Variants in PALM2AKAP2 observed in about 807,000 individuals in gnomAD.
The protein encoded by PALM2AKAP2 is PALM2-AKAP2 fusion protein.
PALM2AKAP2 carries 37 observed loss-of-function variants against 71.5 expected under a neutral mutation model. The observed-to-expected ratio is 0.52, with a 90% CI of 0.40 to 0.68. The LOEUF (loss-of-function observed/expected upper bound fraction) is 0.68. Ranked by LOEUF, PALM2AKAP2 falls within the 30% of genes least tolerant of loss-of-function variation. The pLI is 0.00. For missense variants in PALM2AKAP2, 1,224 were observed against 1,191.8 expected, an observed-to-expected ratio of 1.03 and a Z score of -0.40; for synonymous variants, 468 against 478.8, an observed-to-expected ratio of 0.98 and a Z score of 0.29.
intron 1 of PALM2AKAP2, among the ~76,000 whole-genome samples, chr9:109,730,007 C>A: frequency 6.6e-6 from 1 of 152,164 alleles, no homozygotes. Flanking sequence ...CTAATTATTT[C>A]TTGAGTGAAC....
chr9:109,904,025 G>T (rs1219787060), intron 3 of PALM2AKAP2, among the ~76,000 whole-genome samples: 2 of 152,146 alleles, frequency 1.3e-5, no homozygotes, highest in East Asian at 3.8e-4. Context: ...TAAATAGTAT[G>T]CTTTGGTTTA....
chr9:110,086,876 G>A (rs1834585996), intron 1 of PALM2AKAP2, among the ~76,000 whole-genome samples: 2 of 152,102 alleles, frequency 1.3e-5, no homozygotes, highest in Non-Finnish European at 2.9e-5. Context: ...ATTGCCCTAG[G>A]AAGAAGACCC....
rs140904967 is a variant in PALM2AKAP2, at chr9:109,827,789, G to A, written c.46-39702G>A. On this transcript the variant is annotated intron_variant, in intron 1 of 9. Coordinates refer to the PALM2AKAP2 transcript ENST00000302798. ...AGGATTGTGAGGATTTAGCCCCATGGGGCTAGAGCACTGCTACTGAAAAAA... is the reference window on the plus strand; with the variant it reads ...AGGATTGTGAGGATTTAGCCCCATGAGGCTAGAGCACTGCTACTGAAAAAA... 1.4e-3 allele frequency among the ~76,000 whole-genome samples: 216 copies of A among 152,100 alleles called. 1 individual carries two copies. The highest frequency in any genetic ancestry group is 4.9e-3 in the African/African-American group (205 of 41,482).
At chr9:109,969,024 A>G (rs1832011481) in intron 6 of PALM2AKAP2, among the ~76,000 whole-genome samples, 1 of 152,070 alleles carries the variant, frequency 6.6e-6, no homozygotes, top group Non-Finnish European at 1.5e-5. Flanking sequence ...GAACAGCTGC[A>G]GGAATGTAAA....
exon 2 of PALM2AKAP2, chr9:110,137,759 G>A: frequency 6.2e-7 from 1 of 1,614,188 alleles, no homozygotes; most frequent in Non-Finnish European, 8.5e-7. Context: ...GGCATCCAAT[G>A]AGACAACCAA....
chr9:109,651,973 T>C (rs914453398), intron 1 of PALM2AKAP2, among the ~76,000 whole-genome samples: 6 of 152,200 alleles, frequency 3.9e-5, no homozygotes, highest in African/African-American at 1.4e-4. Flanking sequence ...TGATGTGCTA[T>C]TTAAAAATGT....
chr9:109,767,791 G>A (rs980117765), intron 1 of PALM2AKAP2, among the ~76,000 whole-genome samples: 9 of 152,142 alleles, frequency 5.9e-5, no homozygotes, highest in Admixed American at 1.3e-4. Flanking sequence ...GTTACAGTGT[G>A]CACTTCTCTA....
intron 6 of PALM2AKAP2, among the ~76,000 whole-genome samples, chr9:110,001,356 C>G (rs1832677616): frequency 6.6e-6 from 1 of 152,138 alleles, no homozygotes; most frequent in South Asian, 2.1e-4. Context: ...GGGCTCTGTT[C>G]TGTTCCATTG....
chr9:109,925,287 C>G (rs1249230152), intron 5 of PALM2AKAP2, among the ~76,000 whole-genome samples: 1 of 152,188 alleles, frequency 6.6e-6, no homozygotes, highest in Non-Finnish European at 1.5e-5. Context: ...TCTTGGCTCA[C>G]TGTTTCTCCT....
At chr9:110,157,152 G>A (rs192532267) in intron 3 of PALM2AKAP2, among the ~76,000 whole-genome samples, 2 of 152,318 alleles carry the variant, frequency 1.3e-5, no homozygotes, top group East Asian at 3.9e-4. Flanking sequence ...TAGAGACATA[G>A]GAACTGTTGC....
At chr9:110,170,436 G>T (rs925921542) in exon 4 of PALM2AKAP2, 3 of 152,486 alleles carry the variant, frequency 2.0e-5, no homozygotes, top group Non-Finnish European at 4.4e-5. Context: ...TTGACTTTGG[G>T]GGGGGACATT....
intron 1 of PALM2AKAP2, among the ~76,000 whole-genome samples, chr9:110,116,236 G>A (rs569217196): frequency 6.6e-6 from 1 of 152,300 alleles, no homozygotes; most frequent in East Asian, 1.9e-4. Context: ...ACATTAATAA[G>A]AGATATGGTG....
intron 1 of PALM2AKAP2, among the ~76,000 whole-genome samples, chr9:109,641,040 G>T (rs1827058590): frequency 6.6e-6 from 1 of 152,374 alleles, no homozygotes; most frequent in Non-Finnish European, 1.5e-5. Context: ...GAGGCAAGGG[G>T]TGGGAGCCCC....
At chr9:109,849,412 A>T (rs1828949395) in intron 1 of PALM2AKAP2, among the ~76,000 whole-genome samples, 1 of 152,214 alleles carries the variant, frequency 6.6e-6, no homozygotes, top group African/African-American at 2.4e-5. Context: ...TTTCTTGGAT[A>T]GCATTTTTCT....
intron 6 of PALM2AKAP2, among the ~76,000 whole-genome samples, chr9:109,979,346 C>A (rs937872651): frequency 6.6e-5 from 10 of 152,148 alleles, no homozygotes; most frequent in African/African-American, 2.4e-4. Flanking sequence ...AGAACGCAAG[C>A]CTTGCTCTCA....
intron 7 of PALM2AKAP2, among the ~76,000 whole-genome samples, chr9:110,021,413 T>G (rs1481878097): frequency 6.6e-6 from 1 of 152,200 alleles, no homozygotes; most frequent in Non-Finnish European, 1.5e-5. Flanking sequence ...AAATTTCCGT[T>G]GTTTTAAGCC....
chr9:109,739,789 C>T (rs1828691036), intron 1 of PALM2AKAP2, among the ~76,000 whole-genome samples: 1 of 152,192 alleles, frequency 6.6e-6, no homozygotes, highest in South Asian at 2.1e-4. Context: ...CTCAGAAACT[C>T]CATGCCTGGC....
chr9:109,932,130 A>G, intron 6 of PALM2AKAP2, 102 bp downstream of exon 6: 2 of 1,240,218 alleles, frequency 1.6e-6, no homozygotes, highest in Admixed American at 2.6e-5. Context: ...ACATAGGGGG[A>G]GCTCACCTTC....
At chr9:109,942,551 C>T (rs1394361010) in intron 6 of PALM2AKAP2, 6 of 921,288 alleles carry the variant, frequency 6.5e-6, no homozygotes, top group African/African-American at 3.3e-5. Flanking sequence ...GTGCGCACCT[C>T]ACTCTAACAC....
Sources: allele counts gnomAD v4.1 joint callset (sites outside exome capture counted in the v4.1 genomes callset), GRCh38; gene constraint gnomAD v4.1.1; transcripts MANE v1.5; gene names NCBI Gene and HGNC (gene_info 2026-07-23, HGNC 2026-07-21).